MAP4K5: variants seen among roughly 807,000 people sequenced by gnomAD.
The protein encoded by MAP4K5 is mitogen-activated protein kinase kinase kinase kinase 5.
MAP4K5 carries 82 observed loss-of-function variants against 135.6 expected under a neutral mutation model. That is an observed-to-expected ratio of 0.60 (90% CI 0.51 to 0.73). The LOEUF (loss-of-function observed/expected upper bound fraction) is 0.73. Ranked by LOEUF, MAP4K5 falls within the 30% of genes least tolerant of loss-of-function variation. The pLI, the probability that MAP4K5 is intolerant of heterozygous loss-of-function variation, is 0.00. For synonymous variants in MAP4K5, 347 were observed against 335.0 expected (o/e 1.04, Z -0.39); for missense variants, 907 against 1,010.9 (o/e 0.90, Z 1.39).
Position 50,419,383 on chromosome 14 carries a change from C to G in MAP4K5, c.*636G>C, listed in dbSNP as rs1314668474. 1 of 152,364 alleles carries G rather than the reference C, an allele frequency of 6.6e-6. No homozygotes were observed. The highest frequency in any genetic ancestry group is 1.9e-4 in the East Asian group (1 of 5,190). 9.4% of individuals were successfully genotyped at this position (152,364 alleles called of 1,614,324 possible). A position where few individuals can be genotyped will look rare whatever the true frequency, so the allele number is the denominator to read the frequency against. ...TGTATTATAAAATACTTTTGTTAAG[C>G]AAAATTGCATGTGTGTGTTGAACCC... On this transcript the variant is annotated 3_prime_UTR_variant, in exon 33 of 33. Coordinates refer to ENST00000682126, the MANE Select transcript of MAP4K5 (RefSeq NM_006575.6).
chr14:50,445,769 C>G (rs1398581012), intron 17 of MAP4K5, among the ~76,000 whole-genome samples: 1 of 152,044 alleles, frequency 6.6e-6, no homozygotes, highest in Non-Finnish European at 1.5e-5. Context: ...GGTTTCACCA[C>G]TTGGCCAGGC....
intron 12 of MAP4K5, among the ~76,000 whole-genome samples, chr14:50,463,294 A>G (rs1452353740): frequency 6.6e-6 from 1 of 152,230 alleles, no homozygotes; most frequent in African/African-American, 2.4e-5. Flanking sequence ...TTTTATACAC[A>G]CACATATGCA....
In MAP4K5 at chr14:50,445,012, C is replaced by T. The variant is rs759064446; in HGVS notation, c.1339+29G>A. ...GATAACAATATCTAGCCATATGTAC[C>T]CCATGGCTGCTAATAATGCTAGCCA... is the stretch of plus-strand genomic sequence containing the variant. On this transcript the variant is annotated intron_variant, in intron 18 of 32. Coordinates refer to ENST00000682126, the MANE Select transcript of MAP4K5 (RefSeq NM_006575.6). The T allele has an allele frequency of 1.9e-5, 30 of 1,602,676 alleles. No homozygotes were observed. In the East Asian group the frequency reaches 6.3e-4, roughly 34 times the overall value.
intron 3 of MAP4K5, among the ~76,000 whole-genome samples, chr14:50,499,683 G>A (rs953495471): frequency 6.0e-5 from 9 of 151,252 alleles, no homozygotes; most frequent in Non-Finnish European, 1.2e-4. Flanking sequence ...CACTGATATG[G>A]AAGACTTTAA....
At chr14:50,534,467 A>T (rs1343742886), upstream of MAP4K5, among the ~76,000 whole-genome samples, 2 of 152,278 alleles carry the variant, frequency 1.3e-5, no homozygotes. Context: ...CTGAATGCCC[A>T]GTTTGAGACG....
At chr14:50,560,190 C>A in intron 1 of MAP4K5, 1 of 1,582,518 alleles carries the variant, frequency 6.3e-7, no homozygotes. Context: ...AGCCTCCCAC[C>A]GCCAGCAACC....
At chr14:50,560,551 C>A (rs2038826559) in intron 1 of MAP4K5, 1 of 539,212 alleles carries the variant, frequency 1.9e-6, no homozygotes, top group African/African-American at 1.9e-5. Flanking sequence ...TTCTTCCCCA[C>A]CCCCCTCCCG....
chr14:50,506,312 G>A (rs1302853417), intron 2 of MAP4K5, among the ~76,000 whole-genome samples: 1 of 152,108 alleles, frequency 6.6e-6, no homozygotes, highest in Admixed American at 6.6e-5. Flanking sequence ...GAGATATACA[G>A]AGGAAAAGAC....
chr14:50,560,298 G>T, intron 1 of MAP4K5: 1 of 1,613,942 alleles, frequency 6.2e-7, no homozygotes, highest in South Asian at 1.1e-5. Flanking sequence ...GAAACAGTTG[G>T]GGTGAGTAGC....
At chr14:50,490,869 G>A (rs929559181) in intron 3 of MAP4K5, among the ~76,000 whole-genome samples, 2 of 152,104 alleles carry the variant, frequency 1.3e-5, no homozygotes, top group Non-Finnish European at 2.9e-5. Flanking sequence ...CAAAACACTT[G>A]TAAAAACATA....
Position 50,456,632 on chromosome 14 carries a change from T to A in MAP4K5, c.937-38A>T. ...GCATAATATATATACTTTAACAAAT[T>A]TCAATGAGAAAGTTAAAAGGTCAAA... is the stretch of plus-strand genomic sequence containing the variant. On this transcript the variant is annotated intron_variant, in intron 13 of 32. Transcript: ENST00000682126. The A allele has an allele frequency of 3.8e-6, 5 of 1,314,806 alleles. No individual in the cohort carries two copies. In the Admixed American group the frequency reaches 8.3e-5, roughly 22 times the overall value. 81.4% of individuals were successfully genotyped at this position (1,314,806 alleles called of 1,614,324 possible).
intron 2 of MAP4K5, among the ~76,000 whole-genome samples, chr14:50,525,905 T>A (rs1566696324): frequency 6.6e-6 from 1 of 152,166 alleles, no homozygotes; most frequent in Non-Finnish European, 1.5e-5. Context: ...ATGGAGTCCA[T>A]TAGCTGGTGT....
At chr14:50,534,237 CACTT>C (rs1257240868), upstream of MAP4K5, among the ~76,000 whole-genome samples, 4 of 152,118 alleles carry the variant, frequency 2.6e-5, no homozygotes, top group Admixed American at 1.3e-4. Flanking sequence ...ACACAGAAAA[CACTT>C]ACTATAAAAC....
upstream of MAP4K5, among the ~76,000 whole-genome samples, chr14:50,534,675 C>CT (rs1256816723): frequency 6.6e-6 from 1 of 152,170 alleles, no homozygotes; most frequent in Non-Finnish European, 1.5e-5. Flanking sequence ...AGTCAAGACT[C>CT]TATGTGGTGG....
intron 2 of MAP4K5, among the ~76,000 whole-genome samples, chr14:50,531,322 C>T (rs894435118): frequency 2.0e-5 from 3 of 152,270 alleles, no homozygotes; most frequent in African/African-American, 7.2e-5. Context: ...TGTTATAAAT[C>T]CCTGAAAGGA....
chr14:50,495,752 T>C (rs933182101), intron 3 of MAP4K5, among the ~76,000 whole-genome samples: 1 of 152,212 alleles, frequency 6.6e-6, no homozygotes, highest in Non-Finnish European at 1.5e-5. Context: ...TCCTGTCATA[T>C]GCTATAACAT....
intron 18 of MAP4K5, 33 bp from the exon 19 acceptor site, chr14:50,444,069 A>G: frequency 7.0e-7 from 1 of 1,422,240 alleles, no homozygotes; most frequent in East Asian, 2.3e-5. Flanking sequence ...TTGAATGACC[A>G]CACAAATAAG....
intron 9 of MAP4K5, chr14:50,471,946 C>T (rs1407026341): frequency 6.6e-6 from 1 of 152,336 alleles, no homozygotes; most frequent in East Asian, 1.9e-4. Flanking sequence ...ATACAGTTCC[C>T]TTAGAAGACA....
intron 6 of MAP4K5, among the ~76,000 whole-genome samples, chr14:50,480,236 G>A (rs1170530714): frequency 6.6e-6 from 1 of 151,936 alleles, no homozygotes; most frequent in Non-Finnish European, 1.5e-5. Flanking sequence ...AGGCGGCAAT[G>A]TGAAATAAAC....
Sources: gnomAD v4.1 joint callset for allele counts (sites outside exome capture counted in the v4.1 genomes callset) on GRCh38, gnomAD v4.1.1 for gene constraint, MANE v1.5 for transcripts, NCBI Gene and HGNC (gene_info 2026-07-23, HGNC 2026-07-21) for gene names.